GRHL2: variants seen among roughly 807,000 people sequenced by gnomAD.
GRHL2 encodes grainyhead like transcription factor 2.
In GRHL2, 21 loss-of-function variants were observed where a neutral mutation model predicts 83.8. That is an observed-to-expected ratio of 0.25 (90% CI 0.18 to 0.36). The LOEUF (loss-of-function observed/expected upper bound fraction) is 0.36, where lower values mean the gene tolerates loss of function less well. Ranked by LOEUF, GRHL2 falls within the 10% of genes least tolerant of loss-of-function variation. The pLI is 1.00. For missense variants in GRHL2, 623 were observed against 781.8 expected, an observed-to-expected ratio of 0.80 and a Z score of 2.42; for synonymous variants, 280 against 278.9, an observed-to-expected ratio of 1.00 and a Z score of -0.04.
chr8:101,582,152 C>T (rs931840210), intron 7 of GRHL2, among the ~76,000 whole-genome samples: 2 of 150,904 alleles, frequency 1.3e-5, no homozygotes, highest in Non-Finnish European at 2.9e-5. Flanking sequence ...GCAGGAGAAT[C>T]CCTTGAACCC....
chr8:101,638,903 C>T (rs954758471), intron 12 of GRHL2, among the ~76,000 whole-genome samples: 1 of 152,240 alleles, frequency 6.6e-6, no homozygotes, highest in African/African-American at 2.4e-5. Context: ...GGACTGCCGC[C>T]TACCAGTGTG....
At chr8:101,552,602 C>T in intron 2 of GRHL2, 113 bp from the exon 3 acceptor site, 1 of 954,082 alleles carries the variant, frequency 1.0e-6, no homozygotes, top group East Asian at 2.5e-5. Flanking sequence ...ACTTTTCCAC[C>T]ATTTCCTGGA....
At chr8:101,558,962 G>A in intron 4 of GRHL2, 150 bp downstream of exon 4, 3 of 838,186 alleles carry the variant, frequency 3.6e-6, no homozygotes, top group South Asian at 1.6e-5. Context: ...TGGTAGTCTG[G>A]CATTCTTTCT....
At chr8:101,656,869 A>AACACACACACACAC (rs1329881993) in intron 14 of GRHL2, among the ~76,000 whole-genome samples, 47 of 55,394 alleles carry the variant, frequency 8.5e-4, no homozygotes, top group Admixed American at 1.6e-3. Context: ...TTATGTGTCT[A>AACACACACACACAC]ACAGACACAC....
At chr8:101,515,209 C>CACACACACACACACACAT (rs1358090178) in intron 1 of GRHL2, among the ~76,000 whole-genome samples, 7 of 145,464 alleles carry the variant, frequency 4.8e-5, no homozygotes, top group African/African-American at 1.5e-4. Context: ...CACACACACA[C>CACACACACACACACACAT]ATTAATATTA....
At chr8:101,630,285 T>C (rs1813159752) in intron 9 of GRHL2, among the ~76,000 whole-genome samples, 1 of 152,158 alleles carries the variant, frequency 6.6e-6, no homozygotes, top group African/African-American at 2.4e-5. Context: ...GCCAATTTGA[T>C]AAACAAAAAA....
chr8:101,610,745 G>GCCT (rs1812731655), intron 8 of GRHL2, among the ~76,000 whole-genome samples: 1 of 150,892 alleles, frequency 6.6e-6, no homozygotes, highest in Non-Finnish European at 1.5e-5. Context: ...ACCATTTTGA[G>GCCT]CCTCTTGGCA....
chr8:101,680,372 C>T, the GRHL2 span, among the ~76,000 whole-genome samples: 12,167 of 81,452 alleles, frequency 0.15, no homozygotes, highest in South Asian at 0.17. Context: ...ACAAGAAGAG[C>T]TAACTATCCT....
intron 15 of GRHL2, among the ~76,000 whole-genome samples, chr8:101,664,776 T>C (rs1462525005): frequency 4.6e-5 from 7 of 151,656 alleles, no homozygotes; most frequent in African/African-American, 1.7e-4. Context: ...ACCACAGAGG[T>C]CTGGAGGTGC....
chr8:101,617,387 T>A (rs193100842), intron 8 of GRHL2, among the ~76,000 whole-genome samples: 2 of 152,132 alleles, frequency 1.3e-5, no homozygotes, highest in African/African-American at 4.8e-5. Context: ...AAAAATGAGG[T>A]TTATAGAGAT....
chr8:101,540,248 T>C (rs867448899), intron 1 of GRHL2, among the ~76,000 whole-genome samples: 2 of 152,204 alleles, frequency 1.3e-5, no homozygotes, highest in South Asian at 2.1e-4. Context: ...CATAAGCACA[T>C]TGTAAGGTAA....
chr8:101,567,416 C>T (rs1811739560), intron 4 of GRHL2, among the ~76,000 whole-genome samples: 1 of 152,176 alleles, frequency 6.6e-6, no homozygotes, highest in African/African-American at 2.4e-5. Flanking sequence ...ATGACCTGAG[C>T]ATTTTGATTC....
At chr8:101,527,651 T>C (rs193104306) in intron 1 of GRHL2, among the ~76,000 whole-genome samples, 18 of 152,376 alleles carry the variant, frequency 1.2e-4, no homozygotes, top group Admixed American at 8.5e-4. Context: ...ACTTATTTGA[T>C]ATTCTCTGAT....
In GRHL2 at chr8:101,528,640, C is replaced by T. The variant is rs181162262; in HGVS notation, c.21-14601C>T. 1.7e-3 allele frequency: 322 copies of T among 188,300 alleles called. 5 individuals are homozygous for T. Among genetic ancestry groups the T allele is most frequent in the Non-Finnish European group, 8.7e-4 (77 of 88,530 alleles). The allele number at this position is 188,300 out of a possible 1,614,324, so 11.7% of individuals were successfully genotyped here. A position where few individuals can be genotyped will look rare whatever the true frequency, so the allele number is the denominator to read the frequency against. ...CACAGAAATGGAAACCACTGGAGAA[C>T]AGAAAGCAGCATGAACTTTTCAGCA... On this transcript the variant is annotated intron_variant, in intron 1 of 15. Coordinates refer to ENST00000646743, the MANE Select transcript of GRHL2 (RefSeq NM_024915.4).
intron 8 of GRHL2, among the ~76,000 whole-genome samples, chr8:101,619,245 T>G (rs1812915875): frequency 6.6e-6 from 1 of 152,046 alleles, no homozygotes; most frequent in African/African-American, 2.4e-5. Context: ...AGAGTGAGGC[T>G]CTGTCTCAAA....
At chr8:101,674,630 A>C (rs200871613), downstream of GRHL2, among the ~76,000 whole-genome samples, 5 of 152,138 alleles carry the variant, frequency 3.3e-5, no homozygotes, top group African/African-American at 4.8e-5. Context: ...ACCAGAGGTA[A>C]AAGGAGGAGC....
rs577394370 is a variant in GRHL2, at chr8:101,574,520, A to G, written c.891+696A>G. 7.2e-5 allele frequency among the ~76,000 whole-genome samples: 11 copies of G among 152,352 alleles called. No homozygotes were observed. The South Asian group carries it at 2.3e-3, about 32-fold the overall frequency. On this transcript the variant is annotated intron_variant, in intron 6 of 15. Transcript: ENST00000646743. ...AAGGACTTTCCTGATCTGTTGTAAA[A>G]TGATTTATGGTGTTGGGTCCATGAT...
intron 1 of GRHL2, among the ~76,000 whole-genome samples, chr8:101,528,207 T>C (rs1281409055): frequency 6.6e-6 from 1 of 152,220 alleles, no homozygotes; most frequent in African/African-American, 2.4e-5. Context: ...CTGCATACCT[T>C]TTAACTTTGT....
chr8:101,588,112 G>A (rs554461610), intron 7 of GRHL2, among the ~76,000 whole-genome samples: 1 of 152,292 alleles, frequency 6.6e-6, no homozygotes, highest in East Asian at 1.9e-4. Context: ...TGAAATAATT[G>A]AGTGCTTAAT....
Sources: gnomAD v4.1 joint callset for allele counts (sites outside exome capture counted in the v4.1 genomes callset) on GRCh38, gnomAD v4.1.1 for gene constraint, MANE v1.5 for transcripts, NCBI Gene and HGNC (gene_info 2026-07-23, HGNC 2026-07-21) for gene names.